The following LHPP variants were observed in gnomAD, a reference collection of about 807,000 sequenced individuals.
LHPP encodes hLHPP.
LHPP carries 24 observed loss-of-function variants against 30.3 expected under a neutral mutation model. The observed-to-expected ratio is 0.79, with a 90% CI of 0.57 to 1.11. LHPP has a LOEUF of 1.11. LHPP is among the 50% of genes most tolerant of loss of function. The pLI is 0.00. For missense variants in LHPP, 356 were observed against 367.2 expected, an observed-to-expected ratio of 0.97 and a Z score of 0.25; for synonymous variants, 150 against 157.1, an observed-to-expected ratio of 0.95 and a Z score of 0.34.
At position 124,509,491 on chromosome 10, in the gene LHPP, G is replaced by A. The variant is rs114716437; in HGVS notation, c.625-7689G>A. Among the ~76,000 whole-genome samples, 644 of 152,092 alleles carry A rather than the reference G, an allele frequency of 4.2e-3. 5 individuals carry two copies. Among genetic ancestry groups the A allele is most frequent in the African/African-American group, 0.014 (595 of 41,490 alleles). ...ATTTCTGTTTCAGAAAGGTGTGTCCGTTCACCTTCCTGACCTGCTGCGTAT... is the reference window on the plus strand; with the variant it reads ...ATTTCTGTTTCAGAAAGGTGTGTCCATTCACCTTCCTGACCTGCTGCGTAT... On this transcript the variant is annotated intron_variant, in intron 5 of 6. Transcript: ENST00000368842.
chr10:124,547,844 A>G (rs1217348969), intron 6 of LHPP, among the ~76,000 whole-genome samples: 1 of 152,200 alleles, frequency 6.6e-6, no homozygotes, highest in African/African-American at 2.4e-5. Flanking sequence ...TCAGCTGTCC[A>G]CATATATTGC....
chr10:124,553,022 C>T (rs917273202), intron 6 of LHPP, among the ~76,000 whole-genome samples: 3 of 152,222 alleles, frequency 2.0e-5, no homozygotes, highest in Non-Finnish European at 4.4e-5. Flanking sequence ...TGATAATGAG[C>T]GCCGCTCAGC....
At chr10:124,577,132 A>G (rs1206433794) in intron 6 of LHPP, among the ~76,000 whole-genome samples, 1 of 152,196 alleles carries the variant, frequency 6.6e-6, no homozygotes, top group Non-Finnish European at 1.5e-5. Context: ...CAGGTTCCAT[A>G]GCCTGCTCAG....
Position 124,474,258 on chromosome 10 carries a change from G to T in LHPP, c.126-9881G>T, listed in dbSNP as rs542987407. Among the ~76,000 whole-genome samples, 12 of 147,220 alleles carry T rather than the reference G, an allele frequency of 8.2e-5. No individual in the cohort carries two copies. In the South Asian group the frequency reaches 2.6e-3, roughly 32 times the overall value. Reference sequence around the variant, plus strand: ...GGGCTCAAGCGATCCTTTCACCTCAGCCCCCAAAGTAGCTGAGACTACAAG... The same window carrying T: ...GGGCTCAAGCGATCCTTTCACCTCATCCCCCAAAGTAGCTGAGACTACAAG... On this transcript the variant is annotated intron_variant, in intron 1 of 6. Transcript: ENST00000368842.
chr10:124,463,769 A>T (rs867421637), intron 1 of LHPP, among the ~76,000 whole-genome samples: 2 of 151,580 alleles, frequency 1.3e-5, no homozygotes, highest in African/African-American at 4.9e-5. Context: ...TGGTCTCCCA[A>T]AGTGCTAGGA....
intron 1 of LHPP, among the ~76,000 whole-genome samples, chr10:124,470,648 TAACAACAACAACAAC>T (rs10682827): frequency 6.9e-6 from 1 of 144,912 alleles, no homozygotes; most frequent in Non-Finnish European, 1.5e-5. Context: ...GCAGCAATAG[TAACAACAACAACAAC>T]AACAACAACA....
In LHPP at chr10:124,507,893, TC is replaced by T. The variant is rs1162845898; in HGVS notation, c.625-9286del. On this transcript the variant is annotated intron_variant, in intron 5 of 6. Coordinates refer to ENST00000368842, the MANE Select transcript of LHPP (RefSeq NM_022126.4). ...GTGGGGGGGTAGGCAGGATTTCAGG[TC>T]GGGGGGGTAGACAGGATTTCAGGTG... is the stretch of plus-strand genomic sequence containing the variant. 9.4e-4 allele frequency among the ~76,000 whole-genome samples: 22 copies of T among 23,502 alleles called. 1 individual carries two copies. The highest frequency in any genetic ancestry group is 2.1e-3 in the African/African-American group (10 of 4,732). 15.4% of individuals were successfully genotyped at this position (23,502 alleles called of 152,430 possible). A position where few individuals can be genotyped will look rare whatever the true frequency, so the allele number is the denominator to read the frequency against.
At chr10:124,485,193 A>T (rs1463177549) in intron 2 of LHPP, among the ~76,000 whole-genome samples, 1 of 151,974 alleles carries the variant, frequency 6.6e-6, no homozygotes, top group African/African-American at 2.4e-5. Flanking sequence ...TTTAGAAATC[A>T]TGTTTCTCAA....
chr10:124,527,464 C>T (rs932754211), intron 6 of LHPP, among the ~76,000 whole-genome samples: 2 of 152,194 alleles, frequency 1.3e-5, no homozygotes, highest in Non-Finnish European at 2.9e-5. Flanking sequence ...CCGGTGTGCT[C>T]CTCTAGCTCC....
chr10:124,575,444 G>A (rs975840086), intron 6 of LHPP, among the ~76,000 whole-genome samples: 2 of 152,170 alleles, frequency 1.3e-5, no homozygotes, highest in Admixed American at 1.3e-4. Flanking sequence ...CTCTCCAGCT[G>A]CCTGAGGCAG....
intron 6 of LHPP, among the ~76,000 whole-genome samples, chr10:124,546,877 T>A (rs1174540430): frequency 2.0e-5 from 3 of 152,140 alleles, no homozygotes; most frequent in Non-Finnish European, 2.9e-5. Flanking sequence ...ACAGGTAGAA[T>A]TCGGTATTCT....
chr10:124,558,338 G>A (rs562561152), intron 6 of LHPP, among the ~76,000 whole-genome samples: 16 of 152,312 alleles, frequency 1.1e-4, no homozygotes, highest in African/African-American at 3.1e-4. Flanking sequence ...CCCACGAGCC[G>A]CGTGTTGCTA....
chr10:124,509,077 A>G (rs1220603143), intron 5 of LHPP, among the ~76,000 whole-genome samples: 1 of 152,078 alleles, frequency 6.6e-6, no homozygotes, highest in African/African-American at 2.4e-5. Context: ...CCCTGTGTCC[A>G]TGTGTATTCA....
At chr10:124,501,286 C>T (rs1953888862) in intron 5 of LHPP, among the ~76,000 whole-genome samples, 1 of 151,764 alleles carries the variant, frequency 6.6e-6, no homozygotes, top group Non-Finnish European at 1.5e-5. Flanking sequence ...GGTACGAGGT[C>T]TCCTTTTGGG....
chr10:124,504,018 C>T (rs2133885587), intron 5 of LHPP, among the ~76,000 whole-genome samples: 1 of 152,084 alleles, frequency 6.6e-6, no homozygotes, highest in South Asian at 2.1e-4. Flanking sequence ...ATGGCAAAAC[C>T]CCATCTCTAC....
intron 6 of LHPP, 91 bp from the exon 7 acceptor site, chr10:124,613,173 G>A: frequency 9.8e-7 from 1 of 1,024,928 alleles, no homozygotes; most frequent in Non-Finnish European, 1.5e-6. Flanking sequence ...CTCAAGCTAA[G>A]GCCAGGCCCA....
At chr10:124,581,786 C>CAT (rs1301887734) in intron 6 of LHPP, among the ~76,000 whole-genome samples, 1 of 143,410 alleles carries the variant, frequency 7.0e-6, no homozygotes, top group Admixed American at 7.1e-5. Flanking sequence ...CACACACACA[C>CAT]ACATTTTTTC....
At chr10:124,511,744 C>T (rs150119678) in intron 5 of LHPP, among the ~76,000 whole-genome samples, 136 of 152,306 alleles carry the variant, frequency 8.9e-4, no homozygotes, top group African/African-American at 3.1e-3. Flanking sequence ...CTCAATGGCT[C>T]CTGATGATTC....
intron 6 of LHPP, among the ~76,000 whole-genome samples, chr10:124,577,102 C>T (rs1427104843): frequency 2.0e-5 from 3 of 152,240 alleles, no homozygotes; most frequent in Admixed American, 2.0e-4. Context: ...CATTTCAGAG[C>T]TAGGAGAGCA....
Sources: allele counts gnomAD v4.1 joint callset (sites outside exome capture counted in the v4.1 genomes callset), GRCh38; gene constraint gnomAD v4.1.1; transcripts MANE v1.5; gene names NCBI Gene and HGNC (gene_info 2026-07-23, HGNC 2026-07-21).